DIS3L2: variants seen among roughly 807,000 people sequenced by gnomAD.
DIS3L2 encodes the protein DIS3 like 3'-5' exoribonuclease 2, also known as DIS3-like exonuclease 2.
Under a neutral mutation model 97.5 loss-of-function variants are expected in DIS3L2, and 34 were observed. That is an observed-to-expected ratio of 0.35 (90% CI 0.27 to 0.46). DIS3L2 has a LOEUF of 0.46. Among genes scored for constraint, DIS3L2 ranks in the 20% least tolerant of loss-of-function variants. DIS3L2 has a pLI of 1.00. For synonymous variants in DIS3L2, 435 were observed against 445.2 expected (o/e 0.98, Z 0.29); for missense variants, 1,038 against 1,146.0 (o/e 0.91, Z 1.36).
chr2:232,273,571 CA>C, intron 13 of DIS3L2, among the ~76,000 whole-genome samples: 1 of 152,258 alleles, frequency 6.6e-6, no homozygotes, highest in Middle Eastern at 3.4e-3. Flanking sequence ...GGGTTTAGAA[CA>C]AGGTATAATG....
chr2:231,989,363 G>A (rs1469221963), intron 1 of DIS3L2, among the ~76,000 whole-genome samples: 1 of 150,162 alleles, frequency 6.7e-6, no homozygotes, highest in African/African-American at 2.5e-5. Flanking sequence ...GTGTGTGTGT[G>A]TGTGTGTGTG....
chr2:231,994,912 A>T (rs1693689574), intron 1 of DIS3L2, among the ~76,000 whole-genome samples: 1 of 149,404 alleles, frequency 6.7e-6, no homozygotes, highest in Non-Finnish European at 1.5e-5. Flanking sequence ...TTCTAGGCTC[A>T]GGTGATTTTC....
intron 8 of DIS3L2, among the ~76,000 whole-genome samples, chr2:232,140,805 T>C (rs1698489446): frequency 1.3e-5 from 2 of 152,182 alleles, no homozygotes; most frequent in African/African-American, 4.8e-5. Context: ...TTCCAGTTGT[T>C]ATAAAGTTAT....
intron 12 of DIS3L2, among the ~76,000 whole-genome samples, chr2:232,254,218 A>G (rs1292990685): frequency 6.6e-6 from 1 of 152,130 alleles, no homozygotes; most frequent in African/African-American, 2.4e-5. Flanking sequence ...TACACATTAT[A>G]TTTGGTTTTT....
intron 3 of DIS3L2, among the ~76,000 whole-genome samples, chr2:232,022,277 AAATT>A (rs1694540316): frequency 1.3e-5 from 2 of 152,144 alleles, no homozygotes; most frequent in Non-Finnish European, 2.9e-5. Flanking sequence ...TGCTCCAGTC[AAATT>A]TGCAAATGCT....
intron 9 of DIS3L2, among the ~76,000 whole-genome samples, chr2:232,185,362 A>C (rs887561507): frequency 6.6e-6 from 1 of 152,236 alleles, no homozygotes; most frequent in Non-Finnish European, 1.5e-5. Context: ...TTAAAGAGGA[A>C]ATCTTAAAGG....
intron 10 of DIS3L2, among the ~76,000 whole-genome samples, chr2:232,221,749 C>T (rs751154238): frequency 4.6e-5 from 7 of 151,940 alleles, no homozygotes; most frequent in African/African-American, 1.7e-4. Context: ...TGCAGTGAGC[C>T]GAGATCGCAC....
downstream of DIS3L2, chr2:232,339,657 C>G (rs935186106): frequency 4.4e-6 from 2 of 454,694 alleles, no homozygotes; most frequent in African/African-American, 4.0e-5. Context: ...CTACAAGGAT[C>G]TGCTGTGCCT....
intron 5 of DIS3L2, 48 bp from the exon 6 acceptor site, chr2:232,087,439 T>A: frequency 6.9e-7 from 1 of 1,444,070 alleles, no homozygotes. Flanking sequence ...TGCTCTTTTT[T>A]TTTTTTCCTC....
At chr2:231,972,057 C>T (rs1232174802) in intron 1 of DIS3L2, among the ~76,000 whole-genome samples, 11 of 151,610 alleles carry the variant, frequency 7.3e-5, no homozygotes, top group Non-Finnish European at 1.6e-4. Flanking sequence ...TGGTGGTGTG[C>T]ACCTGTAATC....
chr2:232,092,799 T>TA (rs1174714258), intron 6 of DIS3L2, among the ~76,000 whole-genome samples: 3 of 152,174 alleles, frequency 2.0e-5, no homozygotes, highest in Non-Finnish European at 4.4e-5. Flanking sequence ...GGTGAAGTCT[T>TA]TAGGGTTTTC....
At chr2:232,111,120 A>T in intron 6 of DIS3L2, 1 of 410,496 alleles carries the variant, frequency 2.4e-6, no homozygotes, top group Admixed American at 3.2e-5. Flanking sequence ...GGGCAAATTT[A>T]AAAAGATCTT....
intron 6 of DIS3L2, among the ~76,000 whole-genome samples, chr2:232,094,258 G>A (rs1336361054): frequency 2.0e-5 from 3 of 152,174 alleles, no homozygotes; most frequent in African/African-American, 4.8e-5. Flanking sequence ...CCTTGAGAAT[G>A]ATCCATATGC....
Position 232,045,670 on chromosome 2 carries a change from CTTTTTTTT to C in DIS3L2, c.366+15605_366+15612del, listed in dbSNP as rs35019734. On this transcript the variant is annotated intron_variant, in intron 5 of 20. Coordinates refer to ENST00000325385, the MANE Select transcript of DIS3L2 (RefSeq NM_152383.5). ...ATATCATCACCTTTTAAAGGCCTCA[CTTTTTTTT>C]TTTTTTTTTTTTTTGAGATAGAGTC... Among the ~76,000 whole-genome samples the C allele has an allele frequency of 1.3e-4, 13 of 99,048 alleles. No homozygotes were observed. The East Asian group carries it at 3.2e-3, about 24-fold the overall frequency. 65.0% of individuals were successfully genotyped at this position (99,048 alleles called of 152,430 possible).
At chr2:232,200,484 G>A (rs1158088546) in intron 9 of DIS3L2, among the ~76,000 whole-genome samples, 5 of 152,112 alleles carry the variant, frequency 3.3e-5, no homozygotes, top group Admixed American at 6.5e-5. Flanking sequence ...CAGGGATATA[G>A]AGGCTCACTT....
At position 232,302,559 on chromosome 2, in the gene DIS3L2, T is replaced by C. The variant is rs1053576932; in HGVS notation, c.1739+2440T>C. Among the ~76,000 whole-genome samples the C allele has an allele frequency of 6.4e-5, 8 of 125,248 alleles. No homozygotes were observed. In the South Asian group the frequency reaches 7.0e-4, roughly 11 times the overall value. 82.2% of individuals were successfully genotyped at this position (125,248 alleles called of 152,430 possible). On this transcript the variant is annotated intron_variant, in intron 14 of 20. Coordinates refer to ENST00000325385, the MANE Select transcript of DIS3L2 (RefSeq NM_152383.5). The stretch of plus-strand genomic sequence containing the variant: ...TTTCATTTATTTTCTTCTTCTTCTT[T>C]TTTTTTTTTTTCTATTTTTTGAGAT...
At chr2:232,105,905 A>G (rs1697346306) in intron 6 of DIS3L2, among the ~76,000 whole-genome samples, 1 of 152,112 alleles carries the variant, frequency 6.6e-6, no homozygotes, top group African/African-American at 2.4e-5. Context: ...CTTTTCCAAT[A>G]TGGTGTTCCT....
chr2:232,333,315 C>A (rs1389300366), intron 16 of DIS3L2, among the ~76,000 whole-genome samples: 1 of 147,174 alleles, frequency 6.8e-6, no homozygotes. Context: ...TCCTCCTCCT[C>A]CTCCCCCACC....
chr2:231,971,327 C>G (rs533489062), intron 1 of DIS3L2, among the ~76,000 whole-genome samples: 4 of 151,212 alleles, frequency 2.6e-5, no homozygotes, highest in African/African-American at 7.3e-5. Flanking sequence ...AGTGCAGTGG[C>G]GCGATCTGGC....
Sources: gnomAD v4.1 joint callset for allele counts (sites outside exome capture counted in the v4.1 genomes callset) on GRCh38, gnomAD v4.1.1 for gene constraint, MANE v1.5 for transcripts, NCBI Gene and HGNC (gene_info 2026-07-23, HGNC 2026-07-21) for gene names.